Variants in HRH1 observed in about 807,000 individuals in gnomAD.
HRH1 encodes the protein histamine receptor H1.
A neutral mutation model predicts 10.3 loss-of-function variants in HRH1; 6 were observed. The ratio of observed to expected loss-of-function variants is 0.58; its 90% CI spans 0.32 to 1.15. The LOEUF is 1.15. Among genes scored for constraint, HRH1 ranks in the 50% most tolerant of loss-of-function variants. The pLI is 0.05. For missense variants in HRH1, 514 were observed against 615.3 expected (o/e 0.84, Z 1.74); for synonymous variants, 242 against 236.7 (o/e 1.02, Z -0.21).
At position 11,255,741 on chromosome 3, in the gene HRH1, C is replaced by G. The variant is rs1479150950; in HGVS notation, c.-35-3262C>G. Among the ~76,000 whole-genome samples the G allele has an allele frequency of 4.6e-5, 7 of 152,164 alleles. No individual in the cohort carries two copies. In the East Asian group the frequency reaches 1.2e-3, roughly 25 times the overall value. ...TTCCAGGTCTTAGGAAGATAAGAGA[C>G]AGATGGTTGCATTCTTTTGAGTTTC... On this transcript the variant is annotated intron_variant, in intron 1 of 1. Transcript: ENST00000431010.
intron 1 of HRH1, among the ~76,000 whole-genome samples, chr3:11,144,390 T>C (rs369313113): frequency 6.5e-3 from 6 of 918 alleles, no homozygotes; most frequent in Admixed American, 0.06. Flanking sequence ...TCTATATGTG[T>C]ATATATACAT....
chr3:11,242,117 A>G (rs568883160), intron 1 of HRH1, among the ~76,000 whole-genome samples: 5 of 152,278 alleles, frequency 3.3e-5, no homozygotes, highest in African/African-American at 7.2e-5. Flanking sequence ...TCTAGGCTGT[A>G]GAAGGTTTCT....
At chr3:11,143,400 G>A (rs3856793) in intron 1 of HRH1, among the ~76,000 whole-genome samples, 1 of 152,062 alleles carries the variant, frequency 6.6e-6, no homozygotes, top group Non-Finnish European at 1.5e-5. Flanking sequence ...ACATTACCAC[G>A]CTGTATTACT....
intron 1 of HRH1, among the ~76,000 whole-genome samples, chr3:11,174,167 A>G (rs1259939918): frequency 1.3e-5 from 2 of 152,242 alleles, no homozygotes; most frequent in African/African-American, 4.8e-5. Flanking sequence ...TATGTACCAC[A>G]TTGAACTGTA....
At chr3:11,145,764 T>TA (rs34266651) in intron 1 of HRH1, among the ~76,000 whole-genome samples, 146,943 of 152,310 alleles carry the variant, frequency 0.96, 70,921 homozygotes, top group East Asian at 1. Flanking sequence ...CCTCCAGAGG[T>TA]ACCACTTCTA....
At chr3:11,144,980 T>G (rs1446054819) in intron 1 of HRH1, among the ~76,000 whole-genome samples, 1 of 152,178 alleles carries the variant, frequency 6.6e-6, no homozygotes, top group Non-Finnish European at 1.5e-5. Context: ...CCTTAACGAT[T>G]TCCTCTCCTG....
chr3:11,232,564 C>T (rs1257573888), intron 1 of HRH1, among the ~76,000 whole-genome samples: 1 of 152,104 alleles, frequency 6.6e-6, no homozygotes, highest in Non-Finnish European at 1.5e-5. Flanking sequence ...TTGGGTAGGT[C>T]GATTTCTCCC....
At position 11,259,338 on chromosome 3, in the gene HRH1, C is replaced by G. The variant is rs201052869; in HGVS notation, c.301C>G (p.Leu101Val). The change falls in exon 2 of 2, where the codon CTC (leucine) becomes GTC (valine). Residue 101 changes from leucine to valine, a missense_variant. By Grantham distance (32) the Leu-to-Val change is conservative. Coordinates refer to ENST00000431010, the MANE Select transcript of HRH1 (RefSeq NM_001098212.2). The surrounding 1 kb of genome is among the most constrained non-coding windows in gnomAD (Gnocchi z 4.6). ...GTGGTCACTGGGCCGTCCTCTCTGC[C>G]TCTTTTGGCTTTCCATGGACTATGT... ...SKWSLGRPLC[L>V]FWLSMDYVAS... 1.9e-6 allele frequency: 3 copies of G among 1,613,710 alleles called. No homozygotes were observed. The highest frequency in any genetic ancestry group is 2.5e-6 in the Non-Finnish European group (3 of 1,180,014).
intron 1 of HRH1, among the ~76,000 whole-genome samples, chr3:11,162,076 TG>T (rs1461775544): frequency 2.0e-5 from 3 of 152,208 alleles, no homozygotes; most frequent in Non-Finnish European, 4.4e-5. Context: ...CAGGCAGTGC[TG>T]GGCTCTGCAG....
intron 1 of HRH1, among the ~76,000 whole-genome samples, chr3:11,201,546 A>C (rs1201182901): frequency 6.6e-6 from 1 of 152,170 alleles, no homozygotes; most frequent in Non-Finnish European, 1.5e-5. Flanking sequence ...GTGTGTGCCT[A>C]ACAGTGGGGA....
At chr3:11,153,930 G>C (rs1294552279), upstream of HRH1, among the ~76,000 whole-genome samples, 1 of 152,148 alleles carries the variant, frequency 6.6e-6, no homozygotes, top group Non-Finnish European at 1.5e-5. Context: ...CTAGGGGTAG[G>C]GTTCCTACTG....
chr3:11,166,859 C>T (rs1230562821), intron 1 of HRH1, among the ~76,000 whole-genome samples: 2 of 149,122 alleles, frequency 1.3e-5, no homozygotes, highest in Non-Finnish European at 3.0e-5. Context: ...AGACCCACGA[C>T]ATTTGCTGTC....
intron 1 of HRH1, among the ~76,000 whole-genome samples, chr3:11,250,034 C>CTTTTTTTT (rs71055856): frequency 1.6e-5 from 1 of 60,764 alleles, no homozygotes; most frequent in Non-Finnish European, 3.0e-5. Flanking sequence ...AAGCTTTTCT[C>CTTTTTTTT]TTTTTTTTTT....
intron 1 of HRH1, among the ~76,000 whole-genome samples, chr3:11,187,676 G>A (rs551776209): frequency 2.0e-5 from 3 of 152,316 alleles, no homozygotes; most frequent in Admixed American, 1.3e-4. Flanking sequence ...AGGACATTAA[G>A]TCTAATGATA....
rs539076506 is a variant in HRH1 at position 11,214,202 on chromosome 3, A to G, written c.-35-44801A>G. 1.4e-4 allele frequency among the ~76,000 whole-genome samples: 22 copies of G among 152,306 alleles called. No individual in the cohort carries two copies. In the South Asian group the frequency reaches 4.4e-3, roughly 30 times the overall value. ...GAAGCATTTTTTTCCTTTCTGGAAG[A>G]AGAGAGGCTGGTCGGTGCTTTCCAA... On this transcript the variant is annotated intron_variant, in intron 1 of 1. Transcript: ENST00000431010.
intron 1 of HRH1, among the ~76,000 whole-genome samples, chr3:11,208,099 A>G (rs569203123): frequency 1.3e-5 from 2 of 151,282 alleles, no homozygotes; most frequent in Admixed American, 6.6e-5. Flanking sequence ...TGCCTGTTCT[A>G]TTATTTCCTC....
chr3:11,245,956 TACTCATACAC>T (rs1399126633), intron 1 of HRH1, among the ~76,000 whole-genome samples: 1 of 151,394 alleles, frequency 6.6e-6, no homozygotes, highest in African/African-American at 2.4e-5. Context: ...CACTCATACA[TACTCATACAC>T]ACACACTCAT....
At chr3:11,240,007 G>T (rs1184567270) in intron 1 of HRH1, among the ~76,000 whole-genome samples, 1 of 152,138 alleles carries the variant, frequency 6.6e-6, no homozygotes, top group Non-Finnish European at 1.5e-5. Flanking sequence ...CCAGAAGAGA[G>T]AACTGGGCTG....
In HRH1 at chr3:11,234,262, C is replaced by T. The variant is rs149794368; in HGVS notation, c.-35-24741C>T. The T allele has an allele frequency of 3.0e-4, 462 of 1,552,236 alleles. 3 individuals carry two copies. The African/African-American group carries it at 5.4e-3, about 18-fold the overall frequency. Reference sequence around the variant, plus strand: ...TGCCTTGTGGCCTTCATTAACTTGACCCCACCTCTTCTTTGGTTGCAGTGG... The same window carrying T: ...TGCCTTGTGGCCTTCATTAACTTGATCCCACCTCTTCTTTGGTTGCAGTGG... On this transcript the variant is annotated intron_variant, in intron 1 of 1. Transcript: ENST00000431010.
Sources: allele counts gnomAD v4.1 joint callset (sites outside exome capture counted in the v4.1 genomes callset), GRCh38; gene constraint gnomAD v4.1.1; non-coding constraint Gnocchi (gnomAD v3.1); transcripts MANE v1.5; gene names NCBI Gene and HGNC (gene_info 2026-07-23, HGNC 2026-07-21).